Variants in CCDC112 observed in about 807,000 individuals in gnomAD.
CCDC112 encodes the protein coiled-coil domain containing 112.
CCDC112 carries 40 observed loss-of-function variants against 66.3 expected under a neutral mutation model. The ratio of observed to expected loss-of-function variants is 0.60; its 90% CI spans 0.47 to 0.79. The LOEUF is 0.79. Among genes scored for constraint, CCDC112 ranks in the 30% least tolerant of loss-of-function variants. The pLI is 0.00. For missense variants in CCDC112, 659 were observed against 603.8 expected (o/e 1.09, Z -0.96); for synonymous variants, 214 against 197.2 (o/e 1.09, Z -0.71).
intron 1 of CCDC112, among the ~76,000 whole-genome samples, chr5:115,286,292 C>T (rs1356652232): frequency 6.6e-6 from 1 of 152,184 alleles, no homozygotes; most frequent in Non-Finnish European, 1.5e-5. Context: ...TAAATGGGCT[C>T]ATACAATGTG....
chr5:115,282,552 A>G (rs530441896), intron 2 of CCDC112, among the ~76,000 whole-genome samples: 62 of 152,328 alleles, frequency 4.1e-4, no homozygotes, highest in African/African-American at 1.5e-3. Context: ...AGCAAAATCT[A>G]CAATTCCTTG....
At chr5:115,290,034 C>T (rs996469782) in intron 1 of CCDC112, among the ~76,000 whole-genome samples, 1 of 152,176 alleles carries the variant, frequency 6.6e-6, no homozygotes, top group African/African-American at 2.4e-5. Context: ...TCTATTTAGT[C>T]TTTGGCTACT....
rs1749177478 is a variant in CCDC112, at chr5:115,275,639, G to A, written c.528-33C>T. Reference sequence around the variant, plus strand: ...TTTAAAAATAAAGTTTGAATAAGAAGACAATCCATATTAACCCTTAATTTT... The same window carrying A: ...TTTAAAAATAAAGTTTGAATAAGAAAACAATCCATATTAACCCTTAATTTT... On this transcript the variant is annotated intron_variant, in intron 5 of 9. Coordinates refer to ENST00000379611, the MANE Select transcript of CCDC112 (RefSeq NM_001040440.3). The A allele has an allele frequency of 4.2e-6, 6 of 1,440,078 alleles. No homozygotes were observed. In the East Asian group the frequency reaches 1.4e-4, roughly 33 times the overall value. 89.2% of individuals were successfully genotyped at this position (1,440,078 alleles called of 1,614,324 possible). A position where few individuals can be genotyped will look rare whatever the true frequency, so the allele number is the denominator to read the frequency against.
At position 115,275,594 on chromosome 5, in the gene CCDC112, T is replaced by C. The variant is rs770511096; in HGVS notation, c.540A>G (p.Leu180=). ...KEEQRLIYEE[L]IKEEKTTNNE... is the part of the protein sequence containing the mutation. ...TATTAGTTGTCTTCTCTTCTTTAAT[T>C]AGCTCTTCATATCTAAAATTTTAAA... The change falls in exon 6 of 10, where the codon CTA becomes CTG. Residue 180 remains leucine, a synonymous_variant. Coordinates refer to ENST00000379611, the MANE Select transcript of CCDC112 (RefSeq NM_001040440.3). 3 of 1,565,104 alleles carry C rather than the reference T, an allele frequency of 1.9e-6. No individual in the cohort carries two copies. The African/African-American group carries it at 4.1e-5, about 22-fold the overall frequency.
chr5:115,282,457 C>G (rs954000643), intron 2 of CCDC112, among the ~76,000 whole-genome samples: 1 of 152,084 alleles, frequency 6.6e-6, no homozygotes, highest in Admixed American at 6.6e-5. Context: ...TCACATTATG[C>G]AATTTCACCC....
At chr5:115,275,955 A>G (rs765324814) in intron 5 of CCDC112, 39 bp downstream of exon 5, 2 of 1,344,940 alleles carry the variant, frequency 1.5e-6, no homozygotes, top group South Asian at 1.2e-5. Flanking sequence ...TAAAAAATAA[A>G]GGTCAATAAT....
rs928685507 is a variant in CCDC112 at position 115,267,316 on chromosome 5, T to G, written c.*560A>C. On this transcript the variant is annotated 3_prime_UTR_variant, in exon 10 of 10. Coordinates refer to ENST00000379611, the MANE Select transcript of CCDC112 (RefSeq NM_001040440.3). The stretch of plus-strand genomic sequence containing the variant: ...ATTAATAGGGTATATGAGAGACATA[T>G]TTTTAAAATAAATATTCTCTATATA... The G allele has an allele frequency of 6.5e-6, 1 of 152,722 alleles. No individual in the cohort carries two copies. Among genetic ancestry groups the G allele is most frequent in the African/African-American group, 2.4e-5 (1 of 41,460 alleles). The allele number at this position is 152,722 out of a possible 1,614,324, so 9.5% of individuals were successfully genotyped here. A position where few individuals can be genotyped will look rare whatever the true frequency, so the allele number is the denominator to read the frequency against.
intron 1 of CCDC112, among the ~76,000 whole-genome samples, chr5:115,294,221 A>T (rs1446980169): frequency 6.6e-6 from 1 of 152,258 alleles, no homozygotes; most frequent in Non-Finnish European, 1.5e-5. Context: ...ATTTAAAGAC[A>T]CTGTGATGGA....
intron 2 of CCDC112, among the ~76,000 whole-genome samples, chr5:115,282,393 T>C (rs1002090885): frequency 3.9e-5 from 6 of 152,160 alleles, no homozygotes; most frequent in African/African-American, 1.4e-4. Context: ...AGTAGATCCA[T>C]TACATCTACC....
intron 2 of CCDC112, among the ~76,000 whole-genome samples, chr5:115,282,657 T>C (rs1749506319): frequency 6.6e-6 from 1 of 152,106 alleles, no homozygotes; most frequent in Admixed American, 6.6e-5. Context: ...TATATATTTC[T>C]TTATAAACAC....
intron 6 of CCDC112, among the ~76,000 whole-genome samples, chr5:115,273,160 T>C (rs1284630621): frequency 6.6e-6 from 1 of 152,132 alleles, no homozygotes; most frequent in African/African-American, 2.4e-5. Flanking sequence ...GGGAAGCTAC[T>C]TATGTTTGGG....
Position 115,279,685 on chromosome 5 carries a change from T to A in CCDC112, c.323A>T (p.Glu108Val), listed in dbSNP as rs746776183. Residue 108 changes from glutamate (E) to valine (V), a missense_variant, in exon 3 of 10, where the codon GAA becomes GTA. Glu to Val is a moderately radical substitution (Grantham distance 121, BLOSUM62 -2). Coordinates refer to ENST00000379611, the MANE Select transcript of CCDC112 (RefSeq NM_001040440.3). ...GCTGTGAATCAATTTATTTTCCAAT[T>A]CTTCTAGCATACTATGCTCAATTCT... The part of the protein sequence containing the change: ...DFRIEHSMLE[E>V]LENKLIHSRK... 48 of 1,611,330 alleles carry A rather than the reference T, an allele frequency of 3.0e-5. No individual in the cohort carries two copies. The highest frequency in any genetic ancestry group is 3.6e-5 in the Non-Finnish European group (43 of 1,178,490).
chr5:115,294,846 C>G (rs1750080720), intron 1 of CCDC112, among the ~76,000 whole-genome samples: 2 of 152,114 alleles, frequency 1.3e-5, no homozygotes, highest in South Asian at 4.1e-4. Flanking sequence ...CACAATATAG[C>G]ATGCAGTAAT....
At chr5:115,290,149 G>C (rs1246134296) in intron 1 of CCDC112, among the ~76,000 whole-genome samples, 1 of 152,192 alleles carries the variant, frequency 6.6e-6, no homozygotes, top group Non-Finnish European at 1.5e-5. Flanking sequence ...TTAGATCTTT[G>C]ATCAGATTAG....
Position 115,267,804 on chromosome 5 carries a change from G to C in CCDC112, c.*72C>G, listed in dbSNP as rs1474154392. ...TAAGCTATTGATATTTAAAGAATGT[G>C]GTTAGTCACTCTCTCCCTGGTATAA... On this transcript the variant is annotated 3_prime_UTR_variant, in exon 10 of 10. Coordinates refer to ENST00000379611, the MANE Select transcript of CCDC112 (RefSeq NM_001040440.3). 8.9e-7 allele frequency: 1 copy of C among 1,129,502 alleles called. No individual in the cohort carries two copies. Among genetic ancestry groups the C allele is most frequent in the Non-Finnish European group, 1.3e-6 (1 of 740,780 alleles). The allele number at this position is 1,129,502 out of a possible 1,614,324, so 70.0% of individuals were successfully genotyped here.
intron 3 of CCDC112, among the ~76,000 whole-genome samples, chr5:115,277,399 T>C (rs1425390473): frequency 6.6e-6 from 1 of 152,210 alleles, no homozygotes; most frequent in East Asian, 1.9e-4. Flanking sequence ...TAGTGTTTCA[T>C]TTCTTTTTAA....
intron 3 of CCDC112, 191 bp from the exon 4 acceptor site, chr5:115,277,245 C>T (rs1040718363): frequency 2.2e-6 from 1 of 454,984 alleles, no homozygotes; most frequent in Non-Finnish European, 3.9e-6. Context: ...CAATATCTTT[C>T]AATATTTAAA....
intron 1 of CCDC112, among the ~76,000 whole-genome samples, chr5:115,291,595 A>G (rs1325046399): frequency 6.6e-6 from 1 of 152,068 alleles, no homozygotes; most frequent in Non-Finnish European, 1.5e-5. Flanking sequence ...ATATTTACCT[A>G]TATATTTGCA....
At chr5:115,278,525 A>G (rs1749305301) in intron 3 of CCDC112, among the ~76,000 whole-genome samples, 1 of 152,152 alleles carries the variant, frequency 6.6e-6, no homozygotes, top group African/African-American at 2.4e-5. Flanking sequence ...AGTGAAATAG[A>G]TTGGTACAAA....
Sources: gnomAD v4.1 joint callset for allele counts (sites outside exome capture counted in the v4.1 genomes callset) on GRCh38, gnomAD v4.1.1 for gene constraint, MANE v1.5 for transcripts, NCBI Gene and HGNC (gene_info 2026-07-23, HGNC 2026-07-21) for gene names.